Variants in KSR2 observed in about 807,000 individuals in gnomAD.
KSR2 encodes kinase suppressor of ras 2.
Under a neutral mutation model 107.8 loss-of-function variants are expected in KSR2, and 25 were observed. That is an observed-to-expected ratio of 0.23 (90% CI 0.17 to 0.32). KSR2 has a LOEUF of 0.32. Ranked by LOEUF, KSR2 falls within the 10% of genes least tolerant of loss-of-function variation. KSR2 has a pLI of 1.00. For missense variants in KSR2, 887 were observed against 1,268.9 expected (o/e 0.70, Z 4.57); for synonymous variants, 480 against 507.0 (o/e 0.95, Z 0.71).
intron 5 of KSR2, among the ~76,000 whole-genome samples, chr12:117,654,009 G>C (rs1244831170): frequency 6.6e-6 from 1 of 152,222 alleles, no homozygotes; most frequent in Non-Finnish European, 1.5e-5. Context: ...AATCACAGCA[G>C]AGGCTTCTAG....
intron 3 of KSR2, among the ~76,000 whole-genome samples, chr12:117,814,827 T>C (rs1891316084): frequency 6.6e-6 from 1 of 152,062 alleles, no homozygotes; most frequent in Admixed American, 6.6e-5. Flanking sequence ...AGATACAAAT[T>C]TCCAGGCTCT....
intron 14 of KSR2, among the ~76,000 whole-genome samples, chr12:117,491,750 A>G (rs750938635): frequency 1.3e-5 from 2 of 152,124 alleles, no homozygotes; most frequent in Non-Finnish European, 1.5e-5. Context: ...TAAATACCCA[A>G]TCGTGGAATT....
intron 3 of KSR2, among the ~76,000 whole-genome samples, chr12:117,847,392 G>C (rs1454612286): frequency 6.6e-6 from 1 of 152,208 alleles, no homozygotes; most frequent in Admixed American, 6.5e-5. Flanking sequence ...CTGACTGCCA[G>C]TTCTCCCCCT....
At chr12:117,699,519 T>A (rs1320242026) in intron 4 of KSR2, among the ~76,000 whole-genome samples, 1 of 152,204 alleles carries the variant, frequency 6.6e-6, no homozygotes, top group African/African-American at 2.4e-5. Flanking sequence ...CAGTACAGCA[T>A]GTTACTGTAC....
chr12:117,649,291 G>A (rs1192732153), intron 5 of KSR2, among the ~76,000 whole-genome samples: 3 of 152,112 alleles, frequency 2.0e-5, no homozygotes, highest in African/African-American at 7.2e-5. Flanking sequence ...GGACTGTAAC[G>A]TACATTTATT....
At chr12:117,936,728 G>C (rs1895861073) in intron 1 of KSR2, among the ~76,000 whole-genome samples, 1 of 152,080 alleles carries the variant, frequency 6.6e-6, no homozygotes, top group South Asian at 2.1e-4. Flanking sequence ...TTATTTGTTT[G>C]TTGTCTGTCT....
chr12:117,498,516 G>C (rs1277702505), intron 14 of KSR2, among the ~76,000 whole-genome samples: 1 of 152,138 alleles, frequency 6.6e-6, no homozygotes, highest in African/African-American at 2.4e-5. Context: ...TGGATAAACA[G>C]AGCAATGAAT....
chr12:117,868,506 T>C (rs1231303752), intron 1 of KSR2, among the ~76,000 whole-genome samples: 1 of 152,062 alleles, frequency 6.6e-6, no homozygotes, highest in South Asian at 2.1e-4. Flanking sequence ...AGGCCCATGC[T>C]GAAGGTCACA....
chr12:117,921,484 G>A (rs1484443900), intron 1 of KSR2, among the ~76,000 whole-genome samples: 1 of 152,032 alleles, frequency 6.6e-6, no homozygotes, highest in Admixed American at 6.6e-5. Context: ...CAAACTCCTG[G>A]CCTCACGGTA....
intron 9 of KSR2, among the ~76,000 whole-genome samples, chr12:117,552,014 G>A (rs1344590404): frequency 6.6e-6 from 1 of 152,162 alleles, no homozygotes; most frequent in African/African-American, 2.4e-5. Context: ...ACAAAGGAAA[G>A]AATGGGTTCT....
At chr12:117,804,216 T>A (rs541846522) in intron 3 of KSR2, among the ~76,000 whole-genome samples, 1 of 152,230 alleles carries the variant, frequency 6.6e-6, no homozygotes, top group South Asian at 2.1e-4. Context: ...GCTAATTTTG[T>A]ATTTTTAGTA....
chr12:117,947,939 A>G (rs1333868133), intron 1 of KSR2, among the ~76,000 whole-genome samples: 1 of 152,300 alleles, frequency 6.6e-6, no homozygotes. Context: ...TAATATAGTT[A>G]ATATGTCAAT....
chr12:117,893,735 T>C (rs1894418024), intron 1 of KSR2, among the ~76,000 whole-genome samples: 1 of 152,142 alleles, frequency 6.6e-6, no homozygotes, highest in South Asian at 2.1e-4. Flanking sequence ...TCACAATATC[T>C]GGGAGAGAGG....
At chr12:117,470,226 ATCCG>A (rs1302955991) in intron 18 of KSR2, among the ~76,000 whole-genome samples, 3 of 103,960 alleles carry the variant, frequency 2.9e-5, no homozygotes, top group Non-Finnish European at 5.6e-5. Context: ...CCATCCATCC[ATCCG>A]GCATGTATCT....
Position 117,466,860 on chromosome 12 carries a change from C to A in KSR2, c.*339G>T, listed in dbSNP as rs373545588. On this transcript the variant is annotated 3_prime_UTR_variant, in exon 20 of 20. Coordinates refer to ENST00000339824, the MANE Select transcript of KSR2 (RefSeq NM_173598.6). ...ACATAGCCCCGTCTGTGAGCCCCCC[C>A]ACGTGGGGTCTCCTGTCCTAGTCCC... The A allele has an allele frequency of 4.9e-5, 15 of 305,022 alleles. No individual in the cohort carries two copies. The highest frequency in any genetic ancestry group is 5.4e-5 in the Non-Finnish European group (9 of 166,424). 18.9% of individuals were successfully genotyped at this position (305,022 alleles called of 1,614,324 possible).
chr12:117,558,510 T>G lies in KSR2; in HGVS notation c.1389A>C (p.Arg463=), dbSNP rs559964821. 3 of 1,613,812 alleles carry G rather than the reference T, an allele frequency of 1.9e-6. No homozygotes were observed. The highest frequency in any genetic ancestry group is 2.5e-6 in the Non-Finnish European group (3 of 1,179,800). The change falls in exon 8 of 20, where the codon CGA becomes CGC. Residue 463 remains arginine, a synonymous_variant. Coordinates refer to ENST00000339824, the MANE Select transcript of KSR2 (RefSeq NM_173598.6). ...CAGTAAGTGTTAAATAGTTACCTCC[T>G]CGGTGGATGATCAGAAGATGACAGG... ...APPCHLLIIH[R]GDPARLVRTE...
chr12:117,651,511 A>G (rs1883906083), intron 5 of KSR2, among the ~76,000 whole-genome samples: 2 of 152,242 alleles, frequency 1.3e-5, no homozygotes, highest in South Asian at 2.1e-4. Context: ...GAGTTGGATC[A>G]GGCTGAATTT....
chr12:117,574,970 G>A (rs1343367082), intron 7 of KSR2, among the ~76,000 whole-genome samples: 1 of 151,764 alleles, frequency 6.6e-6, no homozygotes, highest in Non-Finnish European at 1.5e-5. Context: ...TCAGAGGACA[G>A]GAAATGACCC....
At chr12:117,854,844 G>A (rs1893046231) in intron 3 of KSR2, among the ~76,000 whole-genome samples, 1 of 150,250 alleles carries the variant, frequency 6.7e-6, no homozygotes, top group African/African-American at 2.5e-5. Flanking sequence ...CAAACTGATA[G>A]AACAAGTCAC....
Sources: gnomAD v4.1 joint callset for allele counts (sites outside exome capture counted in the v4.1 genomes callset) on GRCh38, gnomAD v4.1.1 for gene constraint, MANE v1.5 for transcripts, NCBI Gene and HGNC (gene_info 2026-07-23, HGNC 2026-07-21) for gene names.